Variants in RNF220 observed in about 807,000 individuals in gnomAD.
RNF220 encodes E3 ubiquitin-protein ligase RNF220.
RNF220 carries 7 observed loss-of-function variants against 67.1 expected under a neutral mutation model. The ratio of observed to expected loss-of-function variants is 0.10; its 90% CI spans 0.06 to 0.20. The LOEUF (loss-of-function observed/expected upper bound fraction) is 0.20. Among genes scored for constraint, RNF220 ranks in the 10% least tolerant of loss-of-function variants. The probability of loss-of-function intolerance (pLI) is 1.00; values close to 1 mark genes in which losing one functional copy is unlikely to be tolerated. For missense variants in RNF220, 565 were observed against 740.3 expected, an observed-to-expected ratio of 0.76 and a Z score of 2.75; for synonymous variants, 270 against 283.2, an observed-to-expected ratio of 0.95 and a Z score of 0.47.
chr1:44,408,733 T>C (rs1423291371), intron 1 of RNF220: 1 of 152,068 alleles, frequency 6.6e-6, no homozygotes, highest in Non-Finnish European at 1.5e-5. Flanking sequence ...GTGTTGTGTG[T>C]GCATTTTAAT....
chr1:44,492,935 T>TTA lies in RNF220; in HGVS notation c.625+80219_625+80220dup, dbSNP rs974358724. On this transcript the variant is annotated intron_variant, in intron 2 of 14. Transcript: ENST00000361799. ...CCAAAATCTGAATTTTTTTTTTTTTTTATATATGGATGAGGTCTCATTATG... is the reference window on the plus strand; with the variant it reads ...CCAAAATCTGAATTTTTTTTTTTTTTTATATATATGGATGAGGTCTCATTATG... Among the ~76,000 whole-genome samples the TTA allele has an allele frequency of 3.9e-5, 6 of 151,950 alleles. No individual in the cohort carries two copies. In the East Asian group the frequency reaches 5.8e-4, roughly 15 times the overall value.
In RNF220 at chr1:44,441,617, TG is replaced by T. The variant is rs552973814; in HGVS notation, c.625+28896del. Among the ~76,000 whole-genome samples the T allele has an allele frequency of 2.1e-3, 327 of 152,310 alleles. 1 individual carries two copies. Among genetic ancestry groups the T allele is most frequent in the African/African-American group, 7.6e-3 (317 of 41,570 alleles). ...AGGGAGATACTAGTGGCCTCTGCCT[TG>T]AAAGTAAGAAACATTTGTGGAGAAC... On this transcript the variant is annotated intron_variant, in intron 2 of 14. Transcript: ENST00000361799.
intron 2 of RNF220, among the ~76,000 whole-genome samples, chr1:44,509,906 AG>A (rs1658828280): frequency 6.9e-6 from 1 of 144,454 alleles, no homozygotes; most frequent in African/African-American, 2.5e-5. Flanking sequence ...AAAAAAAAAA[AG>A]GAAGGAAGGA....
intron 2 of RNF220, among the ~76,000 whole-genome samples, chr1:44,580,042 AAAAAAAAAAAAAAAAG>A (rs1456070520): frequency 7.7e-5 from 11 of 142,314 alleles, no homozygotes; most frequent in South Asian, 2.1e-4. Flanking sequence ...AAAAAAAAAA[AAAAAAAAAAAAAAAAG>A]AAAGAAAAGA....
chr1:44,648,567 A>G (rs770848934), intron 12 of RNF220: 1 of 152,196 alleles, frequency 6.6e-6, no homozygotes, highest in Non-Finnish European at 1.5e-5. Context: ...GTGCAGCCCA[A>G]GGAGTCCTGG....
At chr1:44,466,660 A>G (rs1347174179) in intron 2 of RNF220, among the ~76,000 whole-genome samples, 1 of 152,256 alleles carries the variant, frequency 6.6e-6, no homozygotes, top group African/African-American at 2.4e-5. Flanking sequence ...ATATTCTTGT[A>G]CATCTCCATC....
At chr1:44,540,768 C>G (rs1572822364) in intron 2 of RNF220, among the ~76,000 whole-genome samples, 2 of 151,574 alleles carry the variant, frequency 1.3e-5, no homozygotes, top group East Asian at 1.9e-4. Context: ...GTAGATGCCT[C>G]CCACACAAAC....
At chr1:44,633,389 C>T (rs1644227543) in intron 6 of RNF220, among the ~76,000 whole-genome samples, 1 of 152,216 alleles carries the variant, frequency 6.6e-6, no homozygotes, top group Non-Finnish European at 1.5e-5. Context: ...TCCAACCATG[C>T]CATGCTACCT....
At chr1:44,478,550 C>T (rs144674230) in intron 2 of RNF220, among the ~76,000 whole-genome samples, 2,268 of 151,886 alleles carry the variant, frequency 0.015, 60 homozygotes, top group East Asian at 0.13. Context: ...GGTGAAAGCC[C>T]GTCTCTACTA....
chr1:44,509,107 T>G (rs113872843), intron 2 of RNF220, among the ~76,000 whole-genome samples: 4 of 152,282 alleles, frequency 2.6e-5, no homozygotes, highest in African/African-American at 9.6e-5. Context: ...TTCCTTTAGC[T>G]AAATACAGAC....
chr1:44,625,620 C>A (rs1195803024), intron 4 of RNF220, among the ~76,000 whole-genome samples: 1 of 152,118 alleles, frequency 6.6e-6, no homozygotes, highest in Non-Finnish European at 1.5e-5. Context: ...CAGTTTGCAG[C>A]TGAACAGGCC....
At chr1:44,494,532 C>T (rs1048749756) in intron 2 of RNF220, among the ~76,000 whole-genome samples, 2 of 150,858 alleles carry the variant, frequency 1.3e-5, no homozygotes, top group African/African-American at 4.9e-5. Flanking sequence ...AGGCAGCCAC[C>T]AAAATGAATG....
At chr1:44,531,885 A>G (rs943392608) in intron 2 of RNF220, among the ~76,000 whole-genome samples, 2 of 152,110 alleles carry the variant, frequency 1.3e-5, no homozygotes, top group Non-Finnish European at 2.9e-5. Context: ...TTTAACTTTC[A>G]CCAACTGTTC....
intron 2 of RNF220, among the ~76,000 whole-genome samples, chr1:44,542,297 T>G (rs955259627): frequency 3.3e-5 from 5 of 152,148 alleles, no homozygotes; most frequent in Non-Finnish European, 7.4e-5. Context: ...GACCAAGTCT[T>G]TTATCTGTAT....
chr1:44,591,441 A>T (rs1261192907), intron 2 of RNF220, among the ~76,000 whole-genome samples: 1 of 152,228 alleles, frequency 6.6e-6, no homozygotes, highest in East Asian at 1.9e-4. Context: ...ATGCACTTGC[A>T]GTGGGACTTA....
At chr1:44,572,905 T>G (rs1664545523) in intron 2 of RNF220, 2 of 262,140 alleles carry the variant, frequency 7.6e-6, no homozygotes, top group Non-Finnish European at 1.7e-5. Context: ...GTTCACCAAG[T>G]AAACAATGAA....
At chr1:44,477,478 A>C (rs943188629) in intron 2 of RNF220, among the ~76,000 whole-genome samples, 8 of 152,272 alleles carry the variant, frequency 5.3e-5, no homozygotes, top group African/African-American at 1.9e-4. Context: ...AAGAAGGAAC[A>C]GGTATTTTAA....
intron 2 of RNF220, among the ~76,000 whole-genome samples, chr1:44,468,245 T>C (rs1048580228): frequency 9.2e-5 from 14 of 151,640 alleles, no homozygotes; most frequent in South Asian, 2.1e-4. Context: ...CCTGTACCGG[T>C]GAAAGGTGTG....
intron 4 of RNF220, among the ~76,000 whole-genome samples, chr1:44,623,645 T>C (rs1234088686): frequency 6.6e-6 from 1 of 152,070 alleles, no homozygotes; most frequent in Non-Finnish European, 1.5e-5. Context: ...TATGGAAGAT[T>C]TGGGAATGGG....
Sources: gnomAD v4.1 joint callset for allele counts (sites outside exome capture counted in the v4.1 genomes callset) on GRCh38, gnomAD v4.1.1 for gene constraint, MANE v1.5 for transcripts, NCBI Gene and HGNC (gene_info 2026-07-23, HGNC 2026-07-21) for gene names.